Variants in ADAMTSL1 observed in about 807,000 individuals in gnomAD.
The protein encoded by ADAMTSL1 is ADAMTS-like protein 1.
ADAMTSL1 carries 126 observed loss-of-function variants against 201.8 expected under a neutral mutation model. The observed-to-expected ratio is 0.62, with a 90% confidence interval of 0.54 to 0.72. The LOEUF is 0.72. ADAMTSL1 is among the 30% of genes least tolerant of loss of function. The pLI is 0.00. For missense variants in ADAMTSL1, 2,679 were observed against 2,277.8 expected, an observed-to-expected ratio of 1.18 and a Z score of -3.59; for synonymous variants, 1,121 against 903.4, an observed-to-expected ratio of 1.24 and a Z score of -4.32.
At chr9:18,079,587 C>A (rs575124441) in intron 1 of ADAMTSL1, among the ~76,000 whole-genome samples, 1 of 151,828 alleles carries the variant, frequency 6.6e-6, no homozygotes. Context: ...GAGGCTGAGG[C>A]AGGAGAATGG....
At chr9:18,890,512 A>T in intron 25 of ADAMTSL1, 2 of 456,058 alleles carry the variant, frequency 4.4e-6, no homozygotes, top group South Asian at 3.1e-5. Flanking sequence ...TATCTGTAGG[A>T]CTTTCATACA....
intron 1 of ADAMTSL1, among the ~76,000 whole-genome samples, chr9:18,077,557 G>A (rs1823288414): frequency 6.6e-6 from 1 of 152,120 alleles, no homozygotes. Context: ...ATAAGTTATC[G>A]GTGATCTCAC....
At chr9:18,503,419 G>A (rs867920611) in intron 1 of ADAMTSL1, among the ~76,000 whole-genome samples, 1 of 58,270 alleles carries the variant, frequency 1.7e-5, no homozygotes, top group African/African-American at 5.7e-5. Context: ...GTATTCCATT[G>A]TGTATATATA....
chr9:18,756,067 T>G (rs1819727477), intron 16 of ADAMTSL1, among the ~76,000 whole-genome samples: 1 of 103,632 alleles, frequency 9.6e-6, no homozygotes, highest in Non-Finnish European at 2.1e-5. Context: ...AAACCCTGTC[T>G]CTACTGAAAA....
Position 18,174,281 on chromosome 9 carries a change from G to C in ADAMTSL1, c.207+10300G>C, listed in dbSNP as rs77901990. ...ATCAACCCGTGCGTTGAGTTTAAAT[G>C]CCTATCCTAAATAGACCATGTCTGA... On this transcript the variant is annotated intron_variant, in intron 2 of 29. Coordinates refer to the ADAMTSL1 transcript ENST00000680146. Among the ~76,000 whole-genome samples the C allele has an allele frequency of 9.2e-3, 1,408 of 152,228 alleles. 30 individuals carry two copies. Among genetic ancestry groups the C allele is most frequent in the African/African-American group, 0.032 (1,349 of 41,546 alleles).
rs370160229 is a variant in ADAMTSL1 at position 18,709,625 on chromosome 9, A to C, written c.1876+2577A>C. On this transcript the variant is annotated intron_variant, in intron 14 of 28. Coordinates refer to ENST00000380548, the MANE Select transcript of ADAMTSL1 (RefSeq NM_001040272.6). Reference sequence around the variant, plus strand: ...TTATACTATTCTGGGAGATATAAACACTGAAAATCCCATTTTCTGGAAGAT... The same window carrying C: ...TTATACTATTCTGGGAGATATAAACCCTGAAAATCCCATTTTCTGGAAGAT... Among the ~76,000 whole-genome samples, 29 of 152,336 alleles carry C rather than the reference A, an allele frequency of 1.9e-4. No individual in the cohort carries two copies. The South Asian group carries it at 5.6e-3, about 29-fold the overall frequency.
intron 28 of ADAMTSL1, 142 bp downstream of exon 28, chr9:18,907,054 T>TC: frequency 1.2e-6 from 1 of 864,114 alleles, no homozygotes; most frequent in Non-Finnish European, 1.8e-6. Flanking sequence ...GTTGAGCATT[T>TC]CAGTGGGGTG....
rs73426964 is a variant in ADAMTSL1, at chr9:18,263,510, G to A, written c.207+99529G>A. 5.2e-3 allele frequency among the ~76,000 whole-genome samples: 786 copies of A among 152,170 alleles called. 9 individuals are homozygous for A. Among genetic ancestry groups the A allele is most frequent in the African/African-American group, 0.018 (740 of 41,524 alleles). On this transcript the variant is annotated intron_variant, in intron 2 of 29. Coordinates refer to the ADAMTSL1 transcript ENST00000680146. ...AGTCTTCTTTGGTGATCCCATCAAC[G>A]CAGTCAGTTCAGCTCTCATTTATAT...
rs1362652591 is a variant in ADAMTSL1 at position 18,735,410 on chromosome 9, C to T, written c.2006+13745C>T. 5.3e-5 allele frequency among the ~76,000 whole-genome samples: 8 copies of T among 152,172 alleles called. 1 individual carries two copies. Among genetic ancestry groups the T allele is most frequent in the Admixed American group, 2.0e-4 (3 of 15,276 alleles). On this transcript the variant is annotated intron_variant, in intron 15 of 28. Coordinates refer to ENST00000380548, the MANE Select transcript of ADAMTSL1 (RefSeq NM_001040272.6). The stretch of plus-strand genomic sequence containing the variant: ...TTTTAAGGCATCCCTTCATCCCTTG[C>T]CACATGAGATATTTCAAAGGGTTGG...
At chr9:17,984,011 A>G (rs1271762545) in intron 1 of ADAMTSL1, among the ~76,000 whole-genome samples, 1 of 152,196 alleles carries the variant, frequency 6.6e-6, no homozygotes, top group Non-Finnish European at 1.5e-5. Flanking sequence ...TAAGAGATTT[A>G]TAAAATAAGT....
At chr9:18,378,206 T>C (rs568254556) in intron 2 of ADAMTSL1, among the ~76,000 whole-genome samples, 11 of 152,308 alleles carry the variant, frequency 7.2e-5, no homozygotes, top group African/African-American at 2.6e-4. Context: ...ACCTAGGAAA[T>C]AAGGCTTTAA....
intron 2 of ADAMTSL1, among the ~76,000 whole-genome samples, chr9:18,319,789 T>A (rs1834550007): frequency 6.6e-6 from 1 of 152,154 alleles, no homozygotes; most frequent in South Asian, 2.1e-4. Context: ...AATGTGCACA[T>A]CTTAATCACC....
chr9:18,289,863 A>G (rs1401908531), intron 2 of ADAMTSL1, among the ~76,000 whole-genome samples: 1 of 152,240 alleles, frequency 6.6e-6, no homozygotes, highest in Non-Finnish European at 1.5e-5. Flanking sequence ...TTTCCAGTTT[A>G]TAATTCAAAG....
chr9:17,948,248 G>A (rs930036043), intron 1 of ADAMTSL1, among the ~76,000 whole-genome samples: 2 of 152,202 alleles, frequency 1.3e-5, no homozygotes, highest in South Asian at 2.1e-4. Context: ...TGTAGCAAGA[G>A]TGTTCCAACT....
intron 2 of ADAMTSL1, among the ~76,000 whole-genome samples, chr9:18,232,164 TCTC>T (rs944737537): frequency 2.0e-5 from 3 of 152,062 alleles, no homozygotes; most frequent in Admixed American, 6.6e-5. Context: ...CTCCTATTCT[TCTC>T]CTCACTCACT....
chr9:18,338,891 C>T (rs1213520171), intron 2 of ADAMTSL1, among the ~76,000 whole-genome samples: 2 of 152,020 alleles, frequency 1.3e-5, no homozygotes, highest in Non-Finnish European at 2.9e-5. Flanking sequence ...TTTTCTGTTC[C>T]TGTGTTAGTT....
chr9:18,572,388 A>G (rs974593367), intron 3 of ADAMTSL1, among the ~76,000 whole-genome samples: 2 of 151,878 alleles, frequency 1.3e-5, no homozygotes, highest in African/African-American at 4.8e-5. Context: ...ACTGCATCCT[A>G]TTATCTAAAA....
At chr9:18,601,386 T>G (rs1824645336) in intron 4 of ADAMTSL1, among the ~76,000 whole-genome samples, 1 of 152,142 alleles carries the variant, frequency 6.6e-6, no homozygotes, top group South Asian at 2.1e-4. Context: ...AACTTTGAGG[T>G]CCTCAGCTAC....
chr9:17,940,523 C>A (rs983500269), intron 1 of ADAMTSL1, among the ~76,000 whole-genome samples: 4 of 151,920 alleles, frequency 2.6e-5, no homozygotes, highest in African/African-American at 7.2e-5. Context: ...TTAGGGTGGG[C>A]AGATAGCATC....
Sources: allele counts gnomAD v4.1 joint callset (sites outside exome capture counted in the v4.1 genomes callset), GRCh38; gene constraint gnomAD v4.1.1; transcripts MANE v1.5; gene names NCBI Gene and HGNC (gene_info 2026-07-23, HGNC 2026-07-21).